The following CRNKL1 variants were observed in gnomAD, a reference collection of about 807,000 sequenced individuals.
CRNKL1 encodes crooked neck pre-mRNA splicing factor 1.
A neutral mutation model predicts 103.7 loss-of-function variants in CRNKL1; 35 were observed. That is an observed-to-expected ratio of 0.34 (90% CI 0.26 to 0.45). The LOEUF (loss-of-function observed/expected upper bound fraction) is 0.45, where lower values mean the gene tolerates loss of function less well. Among genes scored for constraint, CRNKL1 ranks in the 20% least tolerant of loss-of-function variants. The probability of loss-of-function intolerance (pLI) is 1.00; values close to 1 mark genes in which losing one functional copy is unlikely to be tolerated. For missense variants in CRNKL1, 645 were observed against 836.0 expected (o/e 0.77, Z 2.82); for synonymous variants, 267 against 282.6 (o/e 0.94, Z 0.55).
At chr20:20,048,026 A>C (rs537427030) in intron 4 of CRNKL1, 95 bp from the exon 5 acceptor site, 1 of 1,356,734 alleles carries the variant, frequency 7.4e-7, no homozygotes, top group African/African-American at 1.5e-5. Flanking sequence ...TTAAAGGTTA[A>C]ATCAAACATG....
rs1025917650 is a variant in CRNKL1 at position 20,044,382 on chromosome 20, A to C, written c.802-720T>G. Among the ~76,000 whole-genome samples, 4 of 152,330 alleles carry C rather than the reference A, an allele frequency of 2.6e-5. No individual in the cohort carries two copies. In the South Asian group the frequency reaches 6.2e-4, roughly 24 times the overall value. On this transcript the variant is annotated intron_variant, in intron 6 of 13. Coordinates refer to ENST00000536226, the MANE Select transcript of CRNKL1 (RefSeq NM_001278628.2). ...ATATAGGTTGAGTATCTCTTGTCTG[A>C]AGCATTTGGTATCAGAAGTGTTTTG... is the stretch of plus-strand genomic sequence containing the variant.
chr20:20,042,858 G>GT (rs1388584555), intron 7 of CRNKL1, among the ~76,000 whole-genome samples: 1 of 152,040 alleles, frequency 6.6e-6, no homozygotes, highest in Non-Finnish European at 1.5e-5. Flanking sequence ...CAACAGAATC[G>GT]TATCATGCTC....
chr20:20,052,999 GA>G (rs2043881515), upstream of CRNKL1, among the ~76,000 whole-genome samples: 1 of 152,128 alleles, frequency 6.6e-6, no homozygotes, highest in South Asian at 2.1e-4. Flanking sequence ...CAGATATTAG[GA>G]AAAAATATAA....
At position 20,034,989 on chromosome 20, in the gene CRNKL1, C is replaced by T. The variant is rs2043397173; in HGVS notation, c.*1206G>A. 1 of 152,040 alleles carries T rather than the reference C, an allele frequency of 6.6e-6. No individual in the cohort carries two copies. Among genetic ancestry groups the T allele is most frequent in the Non-Finnish European group, 1.5e-5 (1 of 68,028 alleles). The allele number at this position is 152,040 out of a possible 1,614,324, so 9.4% of individuals were successfully genotyped here. A position where few individuals can be genotyped will look rare whatever the true frequency, so the allele number is the denominator to read the frequency against. ...AAAAATGTGCTTGAGAAACACAGTC[C>T]AGGTTAAAGGAAAACTCTCAGATCG... On this transcript the variant is annotated 3_prime_UTR_variant, in exon 14 of 14. Transcript: ENST00000536226.
intron 6 of CRNKL1, 29 bp downstream of exon 6, chr20:20,045,279 T>G: frequency 6.4e-7 from 1 of 1,558,680 alleles, no homozygotes; most frequent in Non-Finnish European, 8.7e-7. Flanking sequence ...TAAGCTGTTT[T>G]ACAGTATAAT....
intron 1 of CRNKL1, among the ~76,000 whole-genome samples, chr20:20,050,842 C>T (rs950174424): frequency 6.6e-6 from 1 of 152,054 alleles, no homozygotes; most frequent in Non-Finnish European, 1.5e-5. Flanking sequence ...GTAAAAGTCT[C>T]AAGAGAAAAA....
upstream of CRNKL1, among the ~76,000 whole-genome samples, chr20:20,054,013 G>GTTTTTTTTTTTTTTTTT (rs1239349657): frequency 7.6e-4 from 45 of 58,892 alleles, no homozygotes; most frequent in Non-Finnish European, 8.8e-4. Flanking sequence ...TTTTTTGTTT[G>GTTTTTTTTTTTTTTTTT]TTTTTTTTTT....
At chr20:20,044,772 A>G (rs938090230) in intron 6 of CRNKL1, among the ~76,000 whole-genome samples, 1 of 148,652 alleles carries the variant, frequency 6.7e-6, no homozygotes, top group African/African-American at 2.6e-5. Flanking sequence ...GGTGTGCACC[A>G]CTATGCCCAC....
At position 20,042,465 on chromosome 20, in the gene CRNKL1, T is replaced by C. The variant is rs1217075819; in HGVS notation, c.1024A>G (p.Ser342Gly). The C allele has an allele frequency of 6.2e-7, 1 of 1,614,150 alleles. No homozygotes were observed. Among genetic ancestry groups the C allele is most frequent in the Non-Finnish European group, 8.5e-7 (1 of 1,180,016 alleles). The change falls in exon 8 of 14, where the codon AGT (serine) becomes GGT (glycine). Residue 342 changes from serine to glycine, a missense_variant. Ser to Gly is a moderately conservative substitution (Grantham distance 56, BLOSUM62 0). Around this residue, in one of 2 missense-constraint regions of CRNKL1, gnomAD observed 582 missense variants for 707.7 expected, o/e 0.82. Coordinates refer to ENST00000536226, the MANE Select transcript of CRNKL1 (RefSeq NM_001278628.2). ...CTCACGGCTTCAGCTTCTGCGTCAC[T>C]TTCTACCAAGCGCAAGTAATCAAAC... ...AWFDYLRLVE[S>G]DAEAEAVREV...
At chr20:20,036,975 T>TA (rs978809970) in intron 13 of CRNKL1, among the ~76,000 whole-genome samples, 2 of 152,228 alleles carry the variant, frequency 1.3e-5, no homozygotes, top group Admixed American at 1.3e-4. Context: ...AACTCCTTCT[T>TA]ACCGCCTACA....
chr20:20,049,369 T>C lies in CRNKL1; in HGVS notation c.267A>G (p.Gln89=). Residue 89 remains glutamine (Q), a synonymous_variant, in exon 3 of 14, where the codon CAA becomes CAG. Transcript: ENST00000536226. Reference sequence around the variant, plus strand: ...GAATCTCCTTTAGGCTTTCTTCCCATTGTGCGTATTTTATCCAGTTACTAA... The same window carrying C: ...GAATCTCCTTTAGGCTTTCTTCCCACTGTGCGTATTTTATCCAGTTACTAA... ...TVISNWIKYA[Q]WEESLKEIQR... is the part of the protein sequence containing the mutation. 2 of 1,601,230 alleles carry C rather than the reference T, an allele frequency of 1.2e-6. No homozygotes were observed. Among genetic ancestry groups the C allele is most frequent in the Admixed American group, 3.4e-5 (2 of 59,592 alleles).
At position 20,036,065 on chromosome 20, in the gene CRNKL1, C is replaced by CTT. The variant is rs1050132256; in HGVS notation, c.*128_*129dup. ...TAACCCAAGAGCATTTAAAAAATAA[C>CTT]TTAAAAAGTAGCCATCAAAGATACC... is the stretch of plus-strand genomic sequence containing the variant. On this transcript the variant is annotated 3_prime_UTR_variant, in exon 14 of 14. Coordinates refer to ENST00000536226, the MANE Select transcript of CRNKL1 (RefSeq NM_001278628.2). The CTT allele has an allele frequency of 5.3e-6, 5 of 951,652 alleles. No homozygotes were observed. Among genetic ancestry groups the CTT allele is most frequent in the Middle Eastern group, 5.3e-4 (2 of 3,776 alleles). 59.0% of individuals were successfully genotyped at this position (951,652 alleles called of 1,614,324 possible). A position where few individuals can be genotyped will look rare whatever the true frequency, so the allele number is the denominator to read the frequency against.
intron 9 of CRNKL1, among the ~76,000 whole-genome samples, chr20:20,041,278 G>A (rs1178490454): frequency 3.9e-5 from 6 of 152,210 alleles, no homozygotes; most frequent in East Asian, 3.8e-4. Context: ...TGTGTCCCCC[G>A]CACACGTTGT....
chr20:20,052,708 T>C (rs771540801), upstream of CRNKL1: 2 of 1,610,120 alleles, frequency 1.2e-6, no homozygotes, highest in Admixed American at 3.3e-5. Context: ...AGTGGCTCTG[T>C]CGAGCCGTGG....
intron 5 of CRNKL1, among the ~76,000 whole-genome samples, chr20:20,046,184 T>C (rs1162012322): frequency 1.3e-5 from 2 of 152,180 alleles, no homozygotes; most frequent in Non-Finnish European, 2.9e-5. Context: ...CACATTCTAT[T>C]TCCATCAGCA....
At position 20,038,250 on chromosome 20, in the gene CRNKL1, A is replaced by AC; in HGVS notation, c.1647+98_1647+99insG. 10 of 735,700 alleles carry AC rather than the reference A, an allele frequency of 1.4e-5. No homozygotes were observed. In the South Asian group the frequency reaches 1.8e-4, roughly 14 times the overall value. The allele number at this position is 735,700 out of a possible 1,614,324, so 45.6% of individuals were successfully genotyped here. On this transcript the variant is annotated intron_variant, in intron 12 of 13. Coordinates refer to ENST00000536226, the MANE Select transcript of CRNKL1 (RefSeq NM_001278628.2). ...GCAAGGAAGTCATTAAAAAAAAAAA[A>AC]AAAACAAAAACCCAAACACTTAAAA...
chr20:20,045,612 A>C (rs984436732), intron 5 of CRNKL1, 126 bp from the exon 6 acceptor site: 1 of 765,990 alleles, frequency 1.3e-6, no homozygotes, highest in Non-Finnish European at 2.1e-6. Flanking sequence ...CTAGGGGAAC[A>C]AAACACATAC....
At chr20:20,045,832 G>A (rs1328722139) in intron 5 of CRNKL1, among the ~76,000 whole-genome samples, 1 of 152,148 alleles carries the variant, frequency 6.6e-6, no homozygotes, top group Non-Finnish European at 1.5e-5. Context: ...TTTGTAAACA[G>A]GGAAAAATAA....
rs75910745 is a variant in CRNKL1 at position 20,039,789 on chromosome 20, C to T, written c.1365G>A (p.Glu455=). The change falls in exon 11 of 14, where the codon GAG becomes GAA. Residue 455 remains glutamate, a synonymous_variant. Coordinates refer to ENST00000536226, the MANE Select transcript of CRNKL1 (RefSeq NM_001278628.2). ...ATCTGTCAAATTCTCGAAGCTGTAG[C>T]TCCAATTCTATGTAAACTTTAAATA... is the stretch of plus-strand genomic sequence containing the variant. ...NKLFKVYIEL[E]LQLREFDRCR... The T allele has an allele frequency of 1.3e-4, 214 of 1,614,142 alleles. 1 individual carries two copies. In the African/African-American group the frequency reaches 2.1e-3, roughly 16 times the overall value.
Sources: allele counts gnomAD v4.1 joint callset (sites outside exome capture counted in the v4.1 genomes callset), GRCh38; gene constraint gnomAD v4.1.1; regional missense constraint gnomAD v4.1.1; transcripts MANE v1.5; gene names NCBI Gene and HGNC (gene_info 2026-07-23, HGNC 2026-07-21).